BMPR1A: variants seen among roughly 807,000 people sequenced by gnomAD.
BMPR1A encodes bone morphogenetic protein receptor type-1A.
In BMPR1A, 7 loss-of-function variants were observed where a neutral mutation model predicts 66.0. The observed-to-expected ratio is 0.11, with a 90% confidence interval of 0.06 to 0.20. The LOEUF is 0.20. BMPR1A is among the 10% of genes least tolerant of loss of function. The pLI, the probability that BMPR1A is intolerant of heterozygous loss-of-function variation, is 1.00. For synonymous variants in BMPR1A, 200 were observed against 229.7 expected, an observed-to-expected ratio of 0.87 and a Z score of 1.17; for missense variants, 408 against 669.1, an observed-to-expected ratio of 0.61 and a Z score of 4.31.
At chr10:86,852,626 T>C (rs562046938) in intron 2 of BMPR1A, among the ~76,000 whole-genome samples, 24 of 152,292 alleles carry the variant, frequency 1.6e-4, no homozygotes, top group African/African-American at 5.5e-4. Flanking sequence ...GCCTTAAATA[T>C]TCATATTTGA....
intron 1 of BMPR1A, among the ~76,000 whole-genome samples, chr10:86,833,557 C>T (rs988029439): frequency 1.3e-5 from 2 of 152,172 alleles, no homozygotes; most frequent in African/African-American, 2.4e-5. Context: ...GGCAATTGGG[C>T]ACTTTTTGGC....
intron 1 of BMPR1A, among the ~76,000 whole-genome samples, chr10:86,763,562 A>T (rs1025274429): frequency 6.6e-6 from 1 of 152,218 alleles, no homozygotes; most frequent in African/African-American, 2.4e-5. Context: ...TAATGACATC[A>T]CTGGACTTCT....
At chr10:86,823,425 C>T (rs1157881585) in intron 1 of BMPR1A, among the ~76,000 whole-genome samples, 3 of 152,206 alleles carry the variant, frequency 2.0e-5, no homozygotes, top group Non-Finnish European at 4.4e-5. Context: ...AGGATTACAA[C>T]AGTTAAGTGG....
chr10:86,858,368 T>C (rs1230371838), intron 2 of BMPR1A, among the ~76,000 whole-genome samples: 1 of 152,228 alleles, frequency 6.6e-6, no homozygotes, highest in Non-Finnish European at 1.5e-5. Context: ...TGTTCTTCAG[T>C]ATTTTAAAAT....
intron 1 of BMPR1A, among the ~76,000 whole-genome samples, chr10:86,809,605 T>TTTC (rs1458931090): frequency 1.5e-5 from 2 of 131,488 alleles, no homozygotes; most frequent in African/African-American, 6.4e-5. Flanking sequence ...CTTTTTTTTT[T>TTTC]TTTTTTTCTC....
intron 1 of BMPR1A, among the ~76,000 whole-genome samples, chr10:86,768,386 T>C (rs1012962572): frequency 6.8e-6 from 1 of 147,484 alleles, no homozygotes; most frequent in Non-Finnish European, 1.5e-5. Flanking sequence ...CCCACCCCCA[T>C]GTGTTTGTTC....
Position 86,837,247 on chromosome 10 carries a change from C to CTGTGTGTGTGTGTGTGTG in BMPR1A, c.-267-1608_-267-1591dup, listed in dbSNP as rs71019433. ...AGAATCAGGCTGTGTGTGTGTGTGT[C>CTGTGTGTGTGTGTGTGTG]TGTGTGTGTGTGTGTGTGTGTGTGT... On this transcript the variant is annotated intron_variant, in intron 1 of 12. Coordinates refer to ENST00000372037, the MANE Select transcript of BMPR1A (RefSeq NM_004329.3). 8.0e-5 allele frequency among the ~76,000 whole-genome samples: 11 copies of CTGTGTGTGTGTGTGTGTG among 138,216 alleles called. No homozygotes were observed. In the East Asian group the frequency reaches 1.1e-3, roughly 13 times the overall value. The allele number at this position is 138,216 out of a possible 152,430, so 90.7% of individuals were successfully genotyped here.
chr10:86,862,141 A>T (rs1292955938), intron 2 of BMPR1A, among the ~76,000 whole-genome samples: 1 of 152,224 alleles, frequency 6.6e-6, no homozygotes, highest in Non-Finnish European at 1.5e-5. Context: ...CAGAAAAATT[A>T]TATCAAATTA....
intron 8 of BMPR1A, among the ~76,000 whole-genome samples, chr10:86,913,036 T>C (rs1589288946): frequency 6.6e-6 from 1 of 152,296 alleles, no homozygotes; most frequent in East Asian, 1.9e-4. Flanking sequence ...GGACCTGTAT[T>C]ATGAACACTA....
chr10:86,786,759 A>G (rs1040247093), intron 1 of BMPR1A, among the ~76,000 whole-genome samples: 1 of 152,200 alleles, frequency 6.6e-6, no homozygotes, highest in Non-Finnish European at 1.5e-5. Context: ...TTCCACCTGG[A>G]TGTCTAATAG....
intron 2 of BMPR1A, among the ~76,000 whole-genome samples, chr10:86,862,939 A>C (rs888954305): frequency 3.3e-5 from 5 of 151,836 alleles, no homozygotes; most frequent in African/African-American, 1.2e-4. Context: ...ATAGTTGCTG[A>C]TAACATTGTT....
intron 2 of BMPR1A, among the ~76,000 whole-genome samples, chr10:86,852,938 T>A (rs972056975): frequency 6.6e-6 from 1 of 152,080 alleles, no homozygotes; most frequent in African/African-American, 2.4e-5. Context: ...ATGAATTTTT[T>A]AAAAAAAGAT....
chr10:86,916,338 T>A (rs1843566823), intron 8 of BMPR1A, among the ~76,000 whole-genome samples: 1 of 152,248 alleles, frequency 6.6e-6, no homozygotes, highest in South Asian at 2.1e-4. Flanking sequence ...TCTCATTCTG[T>A]GAGTCTGTGG....
chr10:86,798,846 T>G (rs1332784179), intron 1 of BMPR1A, among the ~76,000 whole-genome samples: 1 of 152,256 alleles, frequency 6.6e-6, no homozygotes, highest in East Asian at 1.9e-4. Flanking sequence ...TAAGCTCATG[T>G]GAGTGGGGAA....
intron 3 of BMPR1A, among the ~76,000 whole-genome samples, chr10:86,888,331 T>C (rs1000918074): frequency 6.6e-6 from 1 of 151,574 alleles, no homozygotes; most frequent in African/African-American, 2.4e-5. Flanking sequence ...AGCTAGGCGT[T>C]GTGTGGGGTG....
chr10:86,892,559 G>T (rs1237996948), intron 5 of BMPR1A, among the ~76,000 whole-genome samples: 3 of 152,124 alleles, frequency 2.0e-5, no homozygotes, highest in Non-Finnish European at 4.4e-5. Context: ...CTTCTGAATA[G>T]CTGAGACTAC....
chr10:86,780,698 G>A (rs1841424300), intron 1 of BMPR1A, among the ~76,000 whole-genome samples: 1 of 152,078 alleles, frequency 6.6e-6, no homozygotes, highest in South Asian at 2.1e-4. Flanking sequence ...CTCCCAAAGT[G>A]CTGGGATTAC....
chr10:86,788,930 A>G (rs565907294), intron 1 of BMPR1A, among the ~76,000 whole-genome samples: 5 of 151,930 alleles, frequency 3.3e-5, no homozygotes, highest in South Asian at 4.2e-4. Context: ...CCTTTCCACC[A>G]TGGCTTTTTC....
chr10:86,765,271 A>T (rs1350863283), intron 1 of BMPR1A, among the ~76,000 whole-genome samples: 7 of 152,002 alleles, frequency 4.6e-5, no homozygotes, highest in Non-Finnish European at 5.9e-5. Flanking sequence ...GAGGATCACG[A>T]GGTCAGGAAC....
Sources: gnomAD v4.1 joint callset for allele counts (sites outside exome capture counted in the v4.1 genomes callset) on GRCh38, gnomAD v4.1.1 for gene constraint, MANE v1.5 for transcripts, NCBI Gene and HGNC (gene_info 2026-07-23, HGNC 2026-07-21) for gene names.